The following DNAH11 variants were observed in gnomAD, a reference collection of about 807,000 sequenced individuals.
The protein encoded by DNAH11 is axonemal beta dynein heavy chain 11.
DNAH11 carries 442 observed loss-of-function variants against 526.0 expected under a neutral mutation model. That is an observed-to-expected ratio of 0.84 (90% CI 0.78 to 0.91). The LOEUF (loss-of-function observed/expected upper bound fraction) is 0.91, where lower values mean the gene tolerates loss of function less well. Among genes scored for constraint, DNAH11 ranks in the 40% least tolerant of loss-of-function variants. The pLI, the probability that DNAH11 is intolerant of heterozygous loss-of-function variation, is 0.00. For missense variants in DNAH11, 6,989 were observed against 5,448.7 expected (o/e 1.28, Z -8.90); for synonymous variants, 2,461 against 1,935.9 (o/e 1.27, Z -7.12).
chr7:21,889,763 C>T lies in DNAH11; in HGVS notation c.12508-2662C>T, dbSNP rs76695630. Among the ~76,000 whole-genome samples the T allele has an allele frequency of 2.0e-3, 304 of 152,264 alleles. 6 individuals carry two copies. In the East Asian group the frequency reaches 0.041, roughly 21 times the overall value. On this transcript the variant is annotated intron_variant, in intron 76 of 81. Transcript: ENST00000409508. ...ATTATAACAGCTTTCTCAGACAAAC[C>T]TCCTCCAAAGGCAAGAAAGTTGGCC...
chr7:21,727,347 T>G (rs1785170314), intron 45 of DNAH11, among the ~76,000 whole-genome samples: 1 of 152,248 alleles, frequency 6.6e-6, no homozygotes, highest in Non-Finnish European at 1.5e-5. Flanking sequence ...GAAGGCATAT[T>G]TCTGTTCAGT....
intron 28 of DNAH11, among the ~76,000 whole-genome samples, chr7:21,651,750 C>T (rs1459745685): frequency 1.3e-5 from 2 of 152,250 alleles, no homozygotes. Context: ...GCCCTGGCAA[C>T]ATGGTTCAAA....
chr7:21,841,496 C>T lies in DNAH11; in HGVS notation c.10692-1048C>T, dbSNP rs535275815. On this transcript the variant is annotated intron_variant, in intron 65 of 81. Coordinates refer to ENST00000409508, the MANE Select transcript of DNAH11 (RefSeq NM_001277115.2). ...GTCTGTGTGGAGTTTGCACACGTTCCCCATGTCTGCCTGGGTTTTCTCTTT... is the reference window on the plus strand; with the variant it reads ...GTCTGTGTGGAGTTTGCACACGTTCTCCATGTCTGCCTGGGTTTTCTCTTT... 1.5e-3 allele frequency among the ~76,000 whole-genome samples: 223 copies of T among 152,206 alleles called. 3 individuals carry two copies. Among genetic ancestry groups the T allele is most frequent in the African/African-American group, 5.1e-3 (212 of 41,514 alleles).
At chr7:21,580,225 G>C (rs1294405205) in intron 8 of DNAH11, among the ~76,000 whole-genome samples, 1 of 152,142 alleles carries the variant, frequency 6.6e-6, no homozygotes, top group Non-Finnish European at 1.5e-5. Context: ...TAAATGTTCA[G>C]TTAATGTTTT....
In DNAH11 at chr7:21,729,666, T is replaced by TTA. The variant is rs1785286883; in HGVS notation, c.7440+3684_7440+3685dup. 1.3e-5 allele frequency among the ~76,000 whole-genome samples: 2 copies of TTA among 151,462 alleles called. 1 individual carries two copies. The highest frequency in any genetic ancestry group is 4.2e-4 in the South Asian group (2 of 4,736). On this transcript the variant is annotated intron_variant, in intron 45 of 81. Transcript: ENST00000409508. ...CAATTCAGCCGTGTTCCTTGCCACA[T>TTA]TATGACAAGAATTGCTTTTCTGCCA...
intron 5 of DNAH11, among the ~76,000 whole-genome samples, chr7:21,562,871 T>C (rs1046300718): frequency 2.6e-5 from 4 of 152,198 alleles, no homozygotes; most frequent in Non-Finnish European, 4.4e-5. Context: ...GACAGATTAA[T>C]TGGTTACACA....
chr7:21,697,203 CACTTG>C (rs1356070788), intron 35 of DNAH11, among the ~76,000 whole-genome samples: 2 of 152,074 alleles, frequency 1.3e-5, no homozygotes, highest in Non-Finnish European at 1.5e-5. Flanking sequence ...TCCTTCTTTG[CACTTG>C]ACTTCAGTTG....
intron 64 of DNAH11, 63 bp downstream of exon 64, chr7:21,816,765 T>C (rs374871146): frequency 4.2e-4 from 586 of 1,408,344 alleles, no homozygotes; most frequent in Non-Finnish European, 5.2e-4. Flanking sequence ...CTGATTTTTA[T>C]AAAGGCGTGA....
chr7:21,726,024 C>T (rs765828172), intron 45 of DNAH11, 40 bp downstream of exon 45: 2 of 1,464,792 alleles, frequency 1.4e-6, no homozygotes, highest in Admixed American at 5.7e-5. Context: ...AGTCTGTTTT[C>T]ATATTGCTAT....
At chr7:21,588,253 T>A in intron 10 of DNAH11, 52 bp downstream of exon 10, 2 of 1,566,030 alleles carry the variant, frequency 1.3e-6, no homozygotes, top group Non-Finnish European at 1.7e-6. Context: ...AGGCGGATAA[T>A]GACCATCAAC....
chr7:21,810,893 C>T lies in DNAH11; in HGVS notation c.10332+2844C>T, dbSNP rs1386044155. On this transcript the variant is annotated intron_variant, in intron 63 of 81. Coordinates refer to ENST00000409508, the MANE Select transcript of DNAH11 (RefSeq NM_001277115.2). ...TGGTAAAGTTTCCCAAAACCTTAAA[C>T]ACAGAATTGCCACATGATCCAGAAA... Among the ~76,000 whole-genome samples, 5 of 152,136 alleles carry T rather than the reference C, an allele frequency of 3.3e-5. No homozygotes were observed. The East Asian group carries it at 7.7e-4, about 23-fold the overall frequency.
intron 25 of DNAH11, among the ~76,000 whole-genome samples, chr7:21,630,273 T>G (rs118173228): frequency 1.3e-5 from 2 of 152,196 alleles, no homozygotes; most frequent in African/African-American, 2.4e-5. Flanking sequence ...ATTGTCTATC[T>G]CTTAACCGTT....
chr7:21,844,555 AT>A (rs1254085189), intron 66 of DNAH11, among the ~76,000 whole-genome samples: 1 of 152,216 alleles, frequency 6.6e-6, no homozygotes, highest in Non-Finnish European at 1.5e-5. Context: ...AGCCAAAAGT[AT>A]TTATTATCTG....
intron 14 of DNAH11, among the ~76,000 whole-genome samples, chr7:21,596,139 A>G (rs1345930150): frequency 6.6e-6 from 1 of 152,232 alleles, no homozygotes; most frequent in Non-Finnish European, 1.5e-5. Context: ...TTTTCCCATC[A>G]ATGACAATTT....
intron 55 of DNAH11, among the ~76,000 whole-genome samples, chr7:21,769,261 G>C (rs1583675208): frequency 1.3e-5 from 2 of 152,108 alleles, no homozygotes; most frequent in Non-Finnish European, 2.9e-5. Context: ...TTCAAGCCTC[G>C]ACCTCATAAG....
intron 14 of DNAH11, among the ~76,000 whole-genome samples, chr7:21,596,674 A>G (rs1470343366): frequency 1.3e-5 from 2 of 152,238 alleles, no homozygotes; most frequent in African/African-American, 4.8e-5. Flanking sequence ...TATGGCCAAG[A>G]CATGACTAGA....
chr7:21,568,006 C>T (rs916716731), intron 6 of DNAH11, among the ~76,000 whole-genome samples: 1 of 152,050 alleles, frequency 6.6e-6, no homozygotes, highest in African/African-American at 2.4e-5. Context: ...CTACAAGATC[C>T]TAGGTGAGGA....
chr7:21,707,651 G>A, intron 39 of DNAH11, 48 bp from the exon 40 acceptor site: 1 of 1,583,918 alleles, frequency 6.3e-7, no homozygotes, highest in Non-Finnish European at 8.6e-7. Flanking sequence ...CTTTCCATTT[G>A]GCTTATGTTA....
chr7:21,778,940 T>TA lies in DNAH11; in HGVS notation c.9337-16dup. 6.2e-7 allele frequency: 1 copy of TA among 1,611,636 alleles called. No homozygotes were observed. Among genetic ancestry groups the TA allele is most frequent in the Non-Finnish European group, 8.5e-7 (1 of 1,178,216 alleles). On this transcript the variant is annotated splice_polypyrimidine_tract_variant and intron_variant, in intron 56 of 81. Coordinates refer to ENST00000409508, the MANE Select transcript of DNAH11 (RefSeq NM_001277115.2). Reference sequence around the variant, plus strand: ...GTGAACAAGGCCAGTGACGTAAGAATAATGACTTTTGCTTTAGGTGGGAGA... The same window carrying TA: ...GTGAACAAGGCCAGTGACGTAAGAATAAATGACTTTTGCTTTAGGTGGGAGA...
Sources: gnomAD v4.1 joint callset for allele counts (sites outside exome capture counted in the v4.1 genomes callset) on GRCh38, gnomAD v4.1.1 for gene constraint, MANE v1.5 for transcripts, NCBI Gene and HGNC (gene_info 2026-07-23, HGNC 2026-07-21) for gene names.